POU6F2: variants seen among roughly 807,000 people sequenced by gnomAD.
POU6F2 encodes POU class 6 homeobox 2.
A neutral mutation model predicts 71.3 loss-of-function variants in POU6F2; 31 were observed. The observed-to-expected ratio is 0.43, with a 90% CI of 0.33 to 0.59. The LOEUF (loss-of-function observed/expected upper bound fraction) is 0.59, where lower values mean the gene tolerates loss of function less well. Among genes scored for constraint, POU6F2 ranks in the 20% least tolerant of loss-of-function variants. The pLI is 0.04. For missense variants in POU6F2, 783 were observed against 856.8 expected, an observed-to-expected ratio of 0.91 and a Z score of 1.07; for synonymous variants, 347 against 355.7, an observed-to-expected ratio of 0.98 and a Z score of 0.27.
chr7:39,029,110 C>T (rs564071908), intron 1 of POU6F2, among the ~76,000 whole-genome samples: 1 of 152,290 alleles, frequency 6.6e-6, no homozygotes, highest in South Asian at 2.1e-4. Flanking sequence ...GTATGAGCCA[C>T]TGCAACTGGC....
intron 2 of POU6F2, among the ~76,000 whole-genome samples, chr7:39,199,939 T>G (rs1793862480): frequency 1.3e-5 from 2 of 152,268 alleles, no homozygotes; most frequent in African/African-American, 4.8e-5. Context: ...ACTTCTATTA[T>G]GTAGCTATTT....
chr7:39,285,046 A>G (rs1038728817), intron 4 of POU6F2, among the ~76,000 whole-genome samples: 30 of 152,236 alleles, frequency 2.0e-4, no homozygotes, highest in Non-Finnish European at 3.2e-4. Context: ...CACAGGGGAT[A>G]CCATTACATC....
intron 4 of POU6F2, among the ~76,000 whole-genome samples, chr7:39,247,997 T>C (rs1366182092): frequency 1.3e-5 from 2 of 152,188 alleles, no homozygotes; most frequent in Non-Finnish European, 2.9e-5. Context: ...ATTTAATTTC[T>C]TAGTATGTAT....
intron 1 of POU6F2, among the ~76,000 whole-genome samples, chr7:38,995,255 C>A (rs1012219350): frequency 4.6e-5 from 7 of 152,140 alleles, no homozygotes; most frequent in African/African-American, 1.7e-4. Context: ...CAAATCAGGA[C>A]AACTTAATTA....
intron 2 of POU6F2, among the ~76,000 whole-genome samples, chr7:39,107,347 T>A (rs544926607): frequency 4.6e-5 from 7 of 152,304 alleles, no homozygotes; most frequent in Non-Finnish European, 1.0e-4. Flanking sequence ...GCCCACCTTC[T>A]TATTGTTTCA....
intron 4 of POU6F2, among the ~76,000 whole-genome samples, chr7:39,229,434 C>T (rs1361412154): frequency 6.6e-6 from 1 of 152,204 alleles, no homozygotes; most frequent in Non-Finnish European, 1.5e-5. Context: ...TGGTCTAAAC[C>T]TCCTCTAGAG....
intron 5 of POU6F2, 183 bp from the exon 6 acceptor site, chr7:39,406,416 CG>C (rs202231692): frequency 1.8e-6 from 1 of 553,748 alleles, no homozygotes; most frequent in Non-Finnish European, 3.0e-6. Flanking sequence ...CTTCCAGCCT[CG>C]TTTCCATCAT....
At chr7:39,128,768 A>G (rs1424333453) in intron 2 of POU6F2, among the ~76,000 whole-genome samples, 1 of 152,232 alleles carries the variant, frequency 6.6e-6, no homozygotes, top group Non-Finnish European at 1.5e-5. Context: ...GCAGTCTGGC[A>G]GCCAGATAGA....
At chr7:39,168,569 T>G (rs959810292) in intron 2 of POU6F2, among the ~76,000 whole-genome samples, 1 of 152,310 alleles carries the variant, frequency 6.6e-6, no homozygotes. Flanking sequence ...CACGAGCCCT[T>G]TCTCCCCACC....
intron 5 of POU6F2, among the ~76,000 whole-genome samples, chr7:39,375,186 T>A (rs1181160061): frequency 6.6e-6 from 1 of 152,168 alleles, no homozygotes; most frequent in East Asian, 1.9e-4. Flanking sequence ...TTTGGCACTT[T>A]GAGCCTAATT....
At chr7:39,133,965 C>T (rs546754687) in intron 2 of POU6F2, among the ~76,000 whole-genome samples, 1 of 152,278 alleles carries the variant, frequency 6.6e-6, no homozygotes, top group South Asian at 2.1e-4. Flanking sequence ...GCCTTGACCT[C>T]TTGGGCTCAA....
chr7:39,254,232 T>A (rs1783976049), intron 4 of POU6F2, among the ~76,000 whole-genome samples: 1 of 152,200 alleles, frequency 6.6e-6, no homozygotes, highest in Non-Finnish European at 1.5e-5. Flanking sequence ...TGGAGGCCAA[T>A]GACAGTGAGA....
intron 1 of POU6F2, among the ~76,000 whole-genome samples, chr7:39,017,752 A>G (rs1054938352): frequency 1.3e-5 from 2 of 151,678 alleles, no homozygotes; most frequent in African/African-American, 4.8e-5. Context: ...AATTATTTGC[A>G]TGACTCCTTT....
intron 4 of POU6F2, among the ~76,000 whole-genome samples, chr7:39,237,949 GGAACTCTCTC>G (rs1794703335): frequency 6.6e-6 from 1 of 152,100 alleles, no homozygotes; most frequent in African/African-American, 2.4e-5. Context: ...TCGTGTTGAT[GGAACTCTCTC>G]TAGGCCCTGG....
chr7:39,004,517 A>C (rs896157023), intron 1 of POU6F2, among the ~76,000 whole-genome samples: 3 of 152,218 alleles, frequency 2.0e-5, no homozygotes, highest in Non-Finnish European at 4.4e-5. Flanking sequence ...TCAATTGTTT[A>C]GGCATCTTTG....
chr7:39,382,867 C>T (rs1463628238), intron 5 of POU6F2, among the ~76,000 whole-genome samples: 3 of 152,106 alleles, frequency 2.0e-5, no homozygotes, highest in African/African-American at 7.2e-5. Flanking sequence ...AGGCAGGTCA[C>T]ACTATGACTA....
chr7:39,349,884 G>A (rs1417589303), intron 5 of POU6F2, among the ~76,000 whole-genome samples: 3 of 152,212 alleles, frequency 2.0e-5, no homozygotes, highest in Non-Finnish European at 4.4e-5. Context: ...GTTGAGGCAT[G>A]CAGGACAGGT....
At chr7:39,210,529 G>C (rs1488819586) in intron 4 of POU6F2, among the ~76,000 whole-genome samples, 3 of 152,100 alleles carry the variant, frequency 2.0e-5, no homozygotes, top group Non-Finnish European at 4.4e-5. Flanking sequence ...CCCCTATCAA[G>C]TCACACAGAA....
chr7:39,400,233 A>C (rs1455550417), intron 5 of POU6F2, among the ~76,000 whole-genome samples: 1 of 152,208 alleles, frequency 6.6e-6, no homozygotes, highest in Non-Finnish European at 1.5e-5. Flanking sequence ...AAGAATAACA[A>C]AAGATGTTTT....
Sources: gnomAD v4.1 joint callset for allele counts (sites outside exome capture counted in the v4.1 genomes callset) on GRCh38, gnomAD v4.1.1 for gene constraint, MANE v1.5 for transcripts, NCBI Gene and HGNC (gene_info 2026-07-23, HGNC 2026-07-21) for gene names.